Variants in SNX4 observed in about 807,000 individuals in gnomAD.
SNX4 encodes sorting nexin 4.
SNX4 carries 49 observed loss-of-function variants against 70.8 expected under a neutral mutation model. That is an observed-to-expected ratio of 0.69 (90% CI 0.55 to 0.88). The LOEUF is 0.88. SNX4 is among the 40% of genes least tolerant of loss of function. SNX4 has a pLI of 0.00. For missense variants in SNX4, 528 were observed against 544.8 expected, an observed-to-expected ratio of 0.97 and a Z score of 0.31; for synonymous variants, 206 against 183.8, an observed-to-expected ratio of 1.12 and a Z score of -0.98.
intron 11 of SNX4, among the ~76,000 whole-genome samples, chr3:125,454,418 G>A (rs1453198348): frequency 6.6e-6 from 1 of 152,198 alleles, no homozygotes; most frequent in Non-Finnish European, 1.5e-5. Context: ...TAATGCCTGA[G>A]ATGATCTGAA....
rs545176634 is a variant in SNX4 at position 125,519,948 on chromosome 3, GGCCCAGCCCAGCCCA to G, written c.141+69_141+83del. ...TCGGCCGAGCCCACTGGCCCGGCCC[GGCCCAGCCCAGCCCA>G]GCCCAGCCCAGCCCGGCCCGCTAGG... On this transcript the variant is annotated intron_variant, in intron 1 of 13. Transcript: ENST00000251775. 3,692 of 775,368 alleles carry G rather than the reference GGCCCAGCCCAGCCCA, an allele frequency of 4.8e-3. 28 individuals carry two copies. The highest frequency in any genetic ancestry group is 5.9e-3 in the Non-Finnish European group (3,374 of 567,410). 48.0% of individuals were successfully genotyped at this position (775,368 alleles called of 1,614,324 possible).
chr3:125,501,843 T>C (rs80337114), intron 2 of SNX4, among the ~76,000 whole-genome samples: 3,453 of 152,306 alleles, frequency 0.023, 137 homozygotes, highest in African/African-American at 0.079. Context: ...TGCCACACAT[T>C]TATTGATGAT....
chr3:125,501,925 GA>G (rs1365123982), intron 2 of SNX4, among the ~76,000 whole-genome samples: 3 of 152,118 alleles, frequency 2.0e-5, no homozygotes, highest in African/African-American at 4.8e-5. Context: ...GTTCAAATTA[GA>G]ACTGGGCTAC....
intron 12 of SNX4, among the ~76,000 whole-genome samples, chr3:125,452,360 T>G (rs1342860337): frequency 2.0e-5 from 3 of 152,142 alleles, no homozygotes; most frequent in Non-Finnish European, 4.4e-5. Flanking sequence ...CCTCCCAAAG[T>G]GCTAGGATTA....
chr3:125,494,845 G>A (rs560890557), intron 5 of SNX4, among the ~76,000 whole-genome samples: 19 of 152,214 alleles, frequency 1.2e-4, no homozygotes, highest in African/African-American at 4.3e-4. Flanking sequence ...TGAAGTCCTA[G>A]GGGTTACAGG....
intron 6 of SNX4, among the ~76,000 whole-genome samples, chr3:125,486,972 A>G (rs1934546561): frequency 6.6e-6 from 1 of 152,146 alleles, no homozygotes; most frequent in Non-Finnish European, 1.5e-5. Flanking sequence ...ACCTAAGGCC[A>G]CATAAAAGTA....
Position 125,470,653 on chromosome 3 carries a change from C to T in SNX4, c.789-1134G>A, listed in dbSNP as rs558430181. Among the ~76,000 whole-genome samples, 208 of 151,884 alleles carry T rather than the reference C, an allele frequency of 1.4e-3. 3 individuals carry two copies. The South Asian group carries it at 0.039, about 29-fold the overall frequency. ...TGAAATTAAAAAAAAGAAAAGACTC[C>T]AAGAATGCCTGAAAGTCAAGATTTT... On this transcript the variant is annotated intron_variant, in intron 8 of 13. Coordinates refer to ENST00000251775, the MANE Select transcript of SNX4 (RefSeq NM_003794.4).
Position 125,504,705 on chromosome 3 carries a change from T to C in SNX4, c.181A>G (p.Ser61Gly). ...NNFWLKKIEI[S>G]VSEAEKRTGR... is the part of the protein sequence containing the mutation. ...GTTCGTTTTTCTGCTTCTGAAACAC[T>C]GATTTCTATCTTCTTCAACCAAAAA... is the stretch of plus-strand genomic sequence containing the variant. Residue 61 changes from serine (S) to glycine (G), a missense_variant, in exon 2 of 14, where the codon AGT becomes GGT. This residue lies in a region of SNX4 where 341 missense variants were observed against 312.2 expected (regional missense o/e 1.09). Transcript: ENST00000251775. 6.2e-7 allele frequency: 1 copy of C among 1,613,982 alleles called. No individual in the cohort carries two copies. The highest frequency in any genetic ancestry group is 8.5e-7 in the Non-Finnish European group (1 of 1,179,904).
At chr3:125,502,350 T>A (rs1259954990) in intron 2 of SNX4, among the ~76,000 whole-genome samples, 1 of 32,364 alleles carries the variant, frequency 3.1e-5, no homozygotes, top group African/African-American at 4.0e-4. Flanking sequence ...ATTTTCTTTC[T>A]TTTTTTTTTT....
At chr3:125,468,576 C>T (rs116165840) in intron 9 of SNX4, among the ~76,000 whole-genome samples, 5,770 of 151,986 alleles carry the variant, frequency 0.038, 244 homozygotes, top group African/African-American at 0.092. Context: ...CTGGGAACAG[C>T]GGCTCATGCC....
At chr3:125,454,710 T>C (rs1027429182) in intron 11 of SNX4, among the ~76,000 whole-genome samples, 1 of 152,120 alleles carries the variant, frequency 6.6e-6, no homozygotes, top group Non-Finnish European at 1.5e-5. Flanking sequence ...ATGGACAAGA[T>C]GGTACATTTT....
Position 125,490,524 on chromosome 3 carries a change from C to CAAAAAAAA in SNX4, c.598-1069_598-1062dup, listed in dbSNP as rs1173858739. 6.1e-5 allele frequency among the ~76,000 whole-genome samples: 3 copies of CAAAAAAAA among 48,888 alleles called. 1 individual carries two copies. Among genetic ancestry groups the CAAAAAAAA allele is most frequent in the Admixed American group, 4.4e-4 (2 of 4,560 alleles). The allele number at this position is 48,888 out of a possible 152,430, so 32.1% of individuals were successfully genotyped here. ...GGGCGACAGAGTGAGACTCTGTCTC[C>CAAAAAAAA]AAAAAAAAAAAAAAAAAAAAAGAAA... On this transcript the variant is annotated intron_variant, in intron 5 of 13. Transcript: ENST00000251775.
chr3:125,496,137 T>A (rs892496409), intron 5 of SNX4, among the ~76,000 whole-genome samples: 1 of 151,696 alleles, frequency 6.6e-6, no homozygotes, highest in Non-Finnish European at 1.5e-5. Context: ...AAAAGAAAAA[T>A]TTTAAAATTA....
chr3:125,466,207 C>G (rs914955227), intron 9 of SNX4, among the ~76,000 whole-genome samples: 7 of 151,624 alleles, frequency 4.6e-5, no homozygotes, highest in African/African-American at 1.7e-4. Flanking sequence ...AGATATTAAA[C>G]TTGCATCCTG....
intron 5 of SNX4, among the ~76,000 whole-genome samples, chr3:125,496,070 G>A (rs539065272): frequency 2.6e-5 from 4 of 152,178 alleles, no homozygotes; most frequent in East Asian, 1.9e-4. Context: ...AGAGAGAATC[G>A]ATTGAGCCCA....
rs1005376549 is a variant in SNX4 at position 125,447,158 on chromosome 3, T to C, written c.*621A>G. 1 of 152,644 alleles carries C rather than the reference T, an allele frequency of 6.6e-6. No homozygotes were observed. Among genetic ancestry groups the C allele is most frequent in the Admixed American group, 6.5e-5 (1 of 15,274 alleles). 9.5% of individuals were successfully genotyped at this position (152,644 alleles called of 1,614,324 possible). A position where few individuals can be genotyped will look rare whatever the true frequency, so the allele number is the denominator to read the frequency against. Reference sequence around the variant, plus strand: ...TGTATCCCATTATAGATCTGAGAAGTTGAGTCTTCTTTGTTGGCAGTATAA... The same window carrying C: ...TGTATCCCATTATAGATCTGAGAAGCTGAGTCTTCTTTGTTGGCAGTATAA... On this transcript the variant is annotated 3_prime_UTR_variant, in exon 14 of 14. Transcript: ENST00000251775.
At chr3:125,515,824 A>G (rs1180484441) in intron 1 of SNX4, among the ~76,000 whole-genome samples, 1 of 152,044 alleles carries the variant, frequency 6.6e-6, no homozygotes, top group Non-Finnish European at 1.5e-5. Flanking sequence ...AAATGGGAGG[A>G]TCACTTGAGC....
chr3:125,500,047 C>A (rs182502433), intron 2 of SNX4, among the ~76,000 whole-genome samples: 5 of 150,656 alleles, frequency 3.3e-5, no homozygotes, highest in African/African-American at 4.9e-5. Context: ...GCAACAAGAG[C>A]GAAACTCCAT....
In SNX4 at chr3:125,491,601, T is replaced by C. The variant is rs74861069; in HGVS notation, c.598-2138A>G. Among the ~76,000 whole-genome samples the C allele has an allele frequency of 9.2e-5, 14 of 152,332 alleles. No homozygotes were observed. In the East Asian group the frequency reaches 2.5e-3, roughly 27 times the overall value. On this transcript the variant is annotated intron_variant, in intron 5 of 13. Transcript: ENST00000251775. ...CAAGATTACATAAAAAAGAGGAAGCTGACTAAAATGTCACCAAACCGCTGG... is the reference window on the plus strand; with the variant it reads ...CAAGATTACATAAAAAAGAGGAAGCCGACTAAAATGTCACCAAACCGCTGG...
Sources: allele counts gnomAD v4.1 joint callset (sites outside exome capture counted in the v4.1 genomes callset), GRCh38; gene constraint gnomAD v4.1.1; regional missense constraint gnomAD v4.1.1; transcripts MANE v1.5; gene names NCBI Gene and HGNC (gene_info 2026-07-23, HGNC 2026-07-21).